ZFP1: variants seen among roughly 807,000 people sequenced by gnomAD.
ZFP1 encodes the protein zinc finger protein 1 homolog.
In ZFP1, 32 loss-of-function variants were observed where a neutral mutation model predicts 38.5. That is an observed-to-expected ratio of 0.83 (90% CI 0.63 to 1.12). The LOEUF is 1.12. ZFP1 is among the 50% of genes most tolerant of loss of function. The pLI is 0.00. For missense variants in ZFP1, 616 were observed against 480.8 expected (o/e 1.28, Z -2.63); for synonymous variants, 245 against 168.8 (o/e 1.45, Z -3.50).
At chr16:75,151,730 G>A (rs1378888416) in intron 1 of ZFP1, among the ~76,000 whole-genome samples, 1 of 151,926 alleles carries the variant, frequency 6.6e-6, no homozygotes, top group Non-Finnish European at 1.5e-5. Context: ...GTGATTAAAA[G>A]CAAGAAAAAG....
chr16:75,149,557 C>CTTTTTTTTTTTTTTTTTTTTTTTTTTT (rs34371791), intron 1 of ZFP1, among the ~76,000 whole-genome samples: 1 of 101,766 alleles, frequency 9.8e-6, no homozygotes. Flanking sequence ...TCTTTACTTT[C>CTTTTTTTTTTTTTTTTTTTTTTTTTTT]TTTTTTTTTT....
chr16:75,161,429 A>C (rs1192401510), intron 2 of ZFP1, among the ~76,000 whole-genome samples: 1 of 151,578 alleles, frequency 6.6e-6, no homozygotes, highest in East Asian at 2.0e-4. Flanking sequence ...ATGATCGTAA[A>C]TGTGTGGCTC....
chr16:75,133,767 T>A, the ZFP1 span, among the ~76,000 whole-genome samples: 1 of 152,126 alleles, frequency 6.6e-6, no homozygotes. Flanking sequence ...TTAGATCTTC[T>A]GCCAGGCATG....
intron 3 of ZFP1, among the ~76,000 whole-genome samples, chr16:75,167,949 C>T (rs537705839): frequency 3.9e-5 from 6 of 152,170 alleles, no homozygotes; most frequent in South Asian, 2.1e-4. Flanking sequence ...CAAAATAAGC[C>T]GGGCATGGTG....
At chr16:75,149,077 C>T (rs897944332) in intron 1 of ZFP1, 1 of 152,142 alleles carries the variant, frequency 6.6e-6, no homozygotes, top group Non-Finnish European at 1.5e-5. Flanking sequence ...GGACTGGAGC[C>T]TGGTCAGTTG....
chr16:75,155,467 A>G (rs1395905262), intron 2 of ZFP1, among the ~76,000 whole-genome samples: 2 of 152,156 alleles, frequency 1.3e-5, no homozygotes, highest in Non-Finnish European at 2.9e-5. Flanking sequence ...ATTCAGTAAC[A>G]TATCTTTGAA....
chr16:75,168,077 G>T (rs1441585854), intron 3 of ZFP1, among the ~76,000 whole-genome samples: 1 of 151,634 alleles, frequency 6.6e-6, no homozygotes, highest in African/African-American at 2.4e-5. Flanking sequence ...ACAAAAATAA[G>T]ACCTCCTGAC....
Position 75,153,279 on chromosome 16 carries a change from A to G in ZFP1, c.15+313A>G, listed in dbSNP as rs73617632. ...ATCACTTTATCTGTGGTTGTTTCAT[A>G]TAACATTCCTCAGTGCAAGTGCAGA... On this transcript the variant is annotated intron_variant, in intron 2 of 3. Transcript: ENST00000570010. Among the ~76,000 whole-genome samples, 945 of 152,326 alleles carry G rather than the reference A, an allele frequency of 6.2e-3. 9 individuals are homozygous for G. The highest frequency in any genetic ancestry group is 0.021 in the African/African-American group (891 of 41,578).
chr16:75,157,881 T>C (rs2037547559), intron 2 of ZFP1, among the ~76,000 whole-genome samples: 1 of 152,028 alleles, frequency 6.6e-6, no homozygotes, highest in Non-Finnish European at 1.5e-5. Flanking sequence ...CTGCAGTCTT[T>C]GCCTCCTGAG....
At chr16:75,129,448 G>T in the ZFP1 span, among the ~76,000 whole-genome samples, 2 of 152,186 alleles carry the variant, frequency 1.3e-5, no homozygotes, top group African/African-American at 4.8e-5. Context: ...GCTGGGAACT[G>T]CTTAGGGCAA....
intron 1 of ZFP1, among the ~76,000 whole-genome samples, chr16:75,151,129 G>C (rs1567522286): frequency 6.6e-6 from 1 of 151,674 alleles, no homozygotes; most frequent in African/African-American, 2.4e-5. Context: ...AAAGTGCTGG[G>C]TTTACAGGCA....
At chr16:75,121,231 C>G in the ZFP1 span, among the ~76,000 whole-genome samples, 711 of 151,252 alleles carry the variant, frequency 4.7e-3, 5 homozygotes, top group African/African-American at 0.016. Context: ...GGGGTGATCT[C>G]TGTACTCCAG....
At chr16:75,150,101 A>G (rs1423439682) in intron 1 of ZFP1, among the ~76,000 whole-genome samples, 1 of 151,798 alleles carries the variant, frequency 6.6e-6, no homozygotes, top group African/African-American at 2.4e-5. Context: ...TTGTGTTTTC[A>G]TTACCATTCA....
chr16:75,149,557 C>CTTTTTTTTTT (rs34371791), intron 1 of ZFP1, among the ~76,000 whole-genome samples: 25 of 101,794 alleles, frequency 2.5e-4, no homozygotes, highest in African/African-American at 3.8e-4. Flanking sequence ...TCTTTACTTT[C>CTTTTTTTTTT]TTTTTTTTTT....
intron 2 of ZFP1, among the ~76,000 whole-genome samples, chr16:75,158,465 C>G (rs1440291676): frequency 6.6e-6 from 1 of 151,834 alleles, no homozygotes; most frequent in African/African-American, 2.4e-5. Flanking sequence ...ACGTCAGCCT[C>G]CTGAGTAGCT....
chr16:75,124,963 T>A, the ZFP1 span, among the ~76,000 whole-genome samples: 2 of 149,628 alleles, frequency 1.3e-5, no homozygotes, highest in African/African-American at 4.9e-5. Context: ...TGGCTGGTAG[T>A]TTAAGAAAGA....
At position 75,170,680 on chromosome 16, in the gene ZFP1, A is replaced by G. The variant is rs1291675446; in HGVS notation, c.*346A>G. 5.2e-6 allele frequency: 1 copy of G among 191,340 alleles called. No individual in the cohort carries two copies. The highest frequency in any genetic ancestry group is 2.3e-5 in the African/African-American group (1 of 42,904). 11.9% of individuals were successfully genotyped at this position (191,340 alleles called of 1,614,324 possible). On this transcript the variant is annotated 3_prime_UTR_variant, in exon 4 of 4. Transcript: ENST00000570010. Reference sequence around the variant, plus strand: ...AGTGGTTTTATGTGGATATGCCACAAAACACAAGTGGTATGCTTTAGATCT... The same window carrying G: ...AGTGGTTTTATGTGGATATGCCACAGAACACAAGTGGTATGCTTTAGATCT...
chr16:75,161,946 G>A (rs537082833), intron 2 of ZFP1, among the ~76,000 whole-genome samples: 8 of 149,350 alleles, frequency 5.4e-5, no homozygotes, highest in Admixed American at 2.7e-4. Context: ...TACTGTGCCC[G>A]GCTAATTTTT....
At chr16:75,142,620 C>G in the ZFP1 span, among the ~76,000 whole-genome samples, 3 of 152,222 alleles carry the variant, frequency 2.0e-5, no homozygotes, top group Non-Finnish European at 4.4e-5. Flanking sequence ...TCACTTAATT[C>G]TTCTGACATA....
Sources: gnomAD v4.1 joint callset for allele counts (sites outside exome capture counted in the v4.1 genomes callset) on GRCh38, gnomAD v4.1.1 for gene constraint, MANE v1.5 for transcripts, NCBI Gene and HGNC (gene_info 2026-07-23, HGNC 2026-07-21) for gene names.